The following TMEM117 variants were observed in gnomAD, a reference collection of about 807,000 sequenced individuals.
TMEM117 encodes transmembrane protein 117.
TMEM117 carries 27 observed loss-of-function variants against 52.4 expected under a neutral mutation model. That is an observed-to-expected ratio of 0.51 (90% CI 0.38 to 0.71). The LOEUF is 0.71. Ranked by LOEUF, TMEM117 falls within the 30% of genes least tolerant of loss-of-function variation. The probability of loss-of-function intolerance (pLI) is 0.00; values close to 1 mark genes in which losing one functional copy is unlikely to be tolerated. For synonymous variants in TMEM117, 215 were observed against 206.3 expected (o/e 1.04, Z -0.36); for missense variants, 556 against 630.5 (o/e 0.88, Z 1.26).
At chr12:44,346,328 A>G (rs1951486133) in intron 6 of TMEM117, among the ~76,000 whole-genome samples, 1 of 152,138 alleles carries the variant, frequency 6.6e-6, no homozygotes, top group African/African-American at 2.4e-5. Flanking sequence ...CTGTTCCTGC[A>G]TAATGATGCT....
intron 2 of TMEM117, among the ~76,000 whole-genome samples, chr12:43,855,646 C>T (rs923224978): frequency 1.3e-5 from 2 of 152,078 alleles, no homozygotes; most frequent in Non-Finnish European, 2.9e-5. Context: ...CTCAATATAT[C>T]CAGAGATTTG....
rs940990620 is a variant in TMEM117, at chr12:44,005,178, C to T, written c.410+60836C>T. ...TACAAATTTGTAAACAAGATTAGAA[C>T]GGATTCTTGGTAGAAAAAATACCTG... is the stretch of plus-strand genomic sequence containing the variant. On this transcript the variant is annotated intron_variant, in intron 3 of 7. Transcript: ENST00000266534. Among the ~76,000 whole-genome samples, 4 of 152,068 alleles carry T rather than the reference C, an allele frequency of 2.6e-5. No individual in the cohort carries two copies. In the East Asian group the frequency reaches 7.7e-4, roughly 29 times the overall value.
Position 44,388,246 on chromosome 12 carries a change from A to G in TMEM117, c.1119A>G (p.Thr373=), listed in dbSNP as rs377158697. Reference sequence around the variant, plus strand: ...ACACTAACCCTCGGACTAATAAAACATATGTTGAGGGAGACATGTTCTTAC... The same window carrying G: ...ACACTAACCCTCGGACTAATAAAACGTATGTTGAGGGAGACATGTTCTTAC... ...SNHTNPRTNK[T]YVEGDMFLHS... is the part of the protein sequence containing the mutation. Residue 373 remains threonine, a synonymous_variant, in exon 8 of 8, where the codon ACA becomes ACG. Coordinates refer to ENST00000266534, the MANE Select transcript of TMEM117 (RefSeq NM_032256.3). 1.9e-6 allele frequency: 3 copies of G among 1,613,610 alleles called. No individual in the cohort carries two copies. The highest frequency in any genetic ancestry group is 1.6e-4 in the Middle Eastern group (1 of 6,062).
intron 3 of TMEM117, among the ~76,000 whole-genome samples, chr12:44,087,787 T>C (rs1429906744): frequency 2.0e-5 from 3 of 152,146 alleles, no homozygotes. Context: ...AATTGATAAG[T>C]TCACAAATGT....
chr12:44,221,561 G>T (rs1676610678), intron 5 of TMEM117, among the ~76,000 whole-genome samples: 1 of 152,170 alleles, frequency 6.6e-6, no homozygotes, highest in Admixed American at 6.5e-5. Context: ...TATAATGTGG[G>T]ATATAGGGGT....
At chr12:43,998,152 A>G (rs556726713) in intron 3 of TMEM117, among the ~76,000 whole-genome samples, 4 of 152,330 alleles carry the variant, frequency 2.6e-5, no homozygotes, top group African/African-American at 9.6e-5. Context: ...CTGGTGCAAT[A>G]CCTAGATTAT....
At chr12:44,146,801 GA>G (rs1948648988) in intron 4 of TMEM117, among the ~76,000 whole-genome samples, 1 of 152,184 alleles carries the variant, frequency 6.6e-6, no homozygotes, top group African/African-American at 2.4e-5. Context: ...GACTGTCATG[GA>G]AAAGCAACTA....
chr12:44,114,908 G>C (rs1306178921), intron 3 of TMEM117, among the ~76,000 whole-genome samples: 1 of 152,112 alleles, frequency 6.6e-6, no homozygotes, highest in Non-Finnish European at 1.5e-5. Context: ...AAGAAAATCA[G>C]ATACAGGCTA....
At chr12:43,843,252 T>A (rs1943145434) in intron 1 of TMEM117, among the ~76,000 whole-genome samples, 1 of 152,206 alleles carries the variant, frequency 6.6e-6, no homozygotes. Context: ...CAGTCAAATT[T>A]TTGTCTGTAT....
intron 3 of TMEM117, among the ~76,000 whole-genome samples, chr12:44,004,545 C>T (rs1040363140): frequency 6.6e-6 from 1 of 152,102 alleles, no homozygotes; most frequent in African/African-American, 2.4e-5. Flanking sequence ...GATGGTGGCA[C>T]AGTCATAATC....
At chr12:44,152,954 TAC>T (rs1356123524) in intron 4 of TMEM117, among the ~76,000 whole-genome samples, 1 of 150,216 alleles carries the variant, frequency 6.7e-6, no homozygotes, top group East Asian at 1.9e-4. Context: ...ATAGTGCATA[TAC>T]ACACACACAT....
chr12:43,929,832 G>A (rs1340779123), intron 2 of TMEM117, among the ~76,000 whole-genome samples: 3 of 151,966 alleles, frequency 2.0e-5, no homozygotes, highest in Non-Finnish European at 4.4e-5. Flanking sequence ...CATGCTAATT[G>A]CAGTTTTCTG....
At chr12:44,391,144 C>T (rs1221957432), downstream of TMEM117, among the ~76,000 whole-genome samples, 1 of 152,104 alleles carries the variant, frequency 6.6e-6, no homozygotes, top group Non-Finnish European at 1.5e-5. Context: ...ACAGTACTTT[C>T]TTCCACATAG....
intron 4 of TMEM117, among the ~76,000 whole-genome samples, chr12:44,204,630 G>A (rs1219328481): frequency 1.3e-5 from 2 of 152,034 alleles, no homozygotes; most frequent in East Asian, 1.9e-4. Flanking sequence ...AAAATCAGAG[G>A]CATCACACTA....
At chr12:43,845,088 T>A in intron 2 of TMEM117, 160 bp downstream of exon 2, 2 of 729,330 alleles carry the variant, frequency 2.7e-6, no homozygotes, top group Non-Finnish European at 2.2e-6. Context: ...CTTCAACTAC[T>A]CTCTGTTAAT....
chr12:44,064,703 T>C (rs1242962397), intron 3 of TMEM117, among the ~76,000 whole-genome samples: 1 of 152,248 alleles, frequency 6.6e-6, no homozygotes, highest in African/African-American at 2.4e-5. Context: ...TCCTTGGTTT[T>C]GAACACTAGG....
chr12:44,291,002 A>T (rs1950696825), intron 5 of TMEM117, among the ~76,000 whole-genome samples: 1 of 152,126 alleles, frequency 6.6e-6, no homozygotes, highest in African/African-American at 2.4e-5. Flanking sequence ...TATTAATTTT[A>T]GAAATGTTTT....
At chr12:43,822,649 T>C in the TMEM117 span, among the ~76,000 whole-genome samples, 1 of 152,208 alleles carries the variant, frequency 6.6e-6, no homozygotes, top group East Asian at 1.9e-4. Context: ...ATTATTTTTC[T>C]ATCAGATGAG....
intron 2 of TMEM117, among the ~76,000 whole-genome samples, chr12:43,896,442 A>G (rs776332273): frequency 6.6e-6 from 1 of 152,170 alleles, no homozygotes; most frequent in South Asian, 2.1e-4. Flanking sequence ...TGGCAGTTAC[A>G]TTGTTCATAG....
Sources: allele counts gnomAD v4.1 joint callset (sites outside exome capture counted in the v4.1 genomes callset), GRCh38; gene constraint gnomAD v4.1.1; transcripts MANE v1.5; gene names NCBI Gene and HGNC (gene_info 2026-07-23, HGNC 2026-07-21).